Variants in SCN11A observed in about 807,000 individuals in gnomAD.
SCN11A encodes sodium voltage-gated channel alpha subunit 11, also known as sodium channel protein type 11 subunit alpha.
SCN11A carries 122 observed loss-of-function variants against 162.2 expected under a neutral mutation model. The ratio of observed to expected loss-of-function variants is 0.75; its 90% CI spans 0.65 to 0.87. The LOEUF is 0.87. Among genes scored for constraint, SCN11A ranks in the 40% least tolerant of loss-of-function variants. The probability of loss-of-function intolerance (pLI) is 0.00; values close to 1 mark genes in which losing one functional copy is unlikely to be tolerated. For missense variants in SCN11A, 2,015 were observed against 2,181.6 expected, an observed-to-expected ratio of 0.92 and a Z score of 1.52; for synonymous variants, 758 against 751.5, an observed-to-expected ratio of 1.01 and a Z score of -0.14.
At chr3:38,878,576 C>T (rs1025235089) in intron 23 of SCN11A, among the ~76,000 whole-genome samples, 1 of 152,000 alleles carries the variant, frequency 6.6e-6, no homozygotes, top group African/African-American at 2.4e-5. Flanking sequence ...GAGTTATTTG[C>T]TCTCTAGAAA....
chr3:38,898,974 T>C (rs1455138631), intron 17 of SCN11A, among the ~76,000 whole-genome samples: 1 of 152,090 alleles, frequency 6.6e-6, no homozygotes, highest in Non-Finnish European at 1.5e-5. Context: ...TAATAAAACA[T>C]TAGTAGGAAA....
rs73826389 is a variant in SCN11A at position 38,884,767 on chromosome 3, A to T, written c.3064+521T>A. 1.0e-3 allele frequency among the ~76,000 whole-genome samples: 155 copies of T among 152,370 alleles called. 1 individual carries two copies. Among genetic ancestry groups the T allele is most frequent in the African/African-American group, 3.6e-3 (151 of 41,590 alleles). On this transcript the variant is annotated intron_variant, in intron 21 of 29. Coordinates refer to ENST00000302328, the MANE Select transcript of SCN11A (RefSeq NM_001349253.2). Reference sequence around the variant, plus strand: ...TCTTCTAAGTGATTTATATTCACTCATTTAATAGTCACAACAACTCTTTGC... The same window carrying T: ...TCTTCTAAGTGATTTATATTCACTCTTTTAATAGTCACAACAACTCTTTGC...
intron 28 of SCN11A, among the ~76,000 whole-genome samples, chr3:38,856,721 T>A (rs560753889): frequency 8.0e-5 from 12 of 149,652 alleles, no homozygotes; most frequent in East Asian, 3.9e-4. Context: ...TGGGAAAAAA[T>A]AAATAAATAA....
intron 25 of SCN11A, 31 bp from the exon 26 acceptor site, chr3:38,870,775 A>G: frequency 6.3e-7 from 1 of 1,593,614 alleles, no homozygotes; most frequent in Non-Finnish European, 8.6e-7. Context: ...CATGAATAAT[A>G]CAAATGTAGA....
chr3:38,941,119 C>T (rs1291441487), intron 7 of SCN11A, among the ~76,000 whole-genome samples: 8 of 152,144 alleles, frequency 5.3e-5, no homozygotes, highest in African/African-American at 1.9e-4. Flanking sequence ...TGGCAAATGG[C>T]TGCAGTCCTG....
intron 2 of SCN11A, among the ~76,000 whole-genome samples, chr3:38,984,884 A>G (rs928533846): frequency 1.3e-5 from 2 of 152,100 alleles, no homozygotes; most frequent in Non-Finnish European, 2.9e-5. Flanking sequence ...AATAAGAGCA[A>G]ATGCAAAGAC....
intron 1 of SCN11A, among the ~76,000 whole-genome samples, chr3:39,036,413 G>A (rs536528645): frequency 1.3e-5 from 2 of 152,330 alleles, no homozygotes; most frequent in Non-Finnish European, 2.9e-5. Context: ...CTAAAGTGCT[G>A]AGATTACAGG....
intron 7 of SCN11A, among the ~76,000 whole-genome samples, chr3:38,936,645 C>T (rs2066337193): frequency 6.6e-6 from 1 of 151,398 alleles, no homozygotes; most frequent in Non-Finnish European, 1.5e-5. Context: ...AATAAAATAC[C>T]TAGGAATCCA....
intron 1 of SCN11A, among the ~76,000 whole-genome samples, chr3:39,045,553 T>C (rs895231693): frequency 6.6e-6 from 1 of 152,190 alleles, no homozygotes; most frequent in Non-Finnish European, 1.5e-5. Context: ...CAAACGATCA[T>C]CTTAATCAAT....
intron 1 of SCN11A, among the ~76,000 whole-genome samples, chr3:39,041,079 C>G (rs1274384031): frequency 2.6e-5 from 4 of 151,902 alleles, no homozygotes; most frequent in African/African-American, 9.7e-5. Context: ...AAGACTCTGT[C>G]TCAAAAAAGA....
At chr3:38,895,935 T>G (rs1245453711) in intron 18 of SCN11A, among the ~76,000 whole-genome samples, 4 of 152,178 alleles carry the variant, frequency 2.6e-5, no homozygotes. Flanking sequence ...TGTAGAGAGT[T>G]AATTATATTG....
intron 7 of SCN11A, among the ~76,000 whole-genome samples, chr3:38,929,020 A>C (rs1183173048): frequency 6.6e-6 from 1 of 152,180 alleles, no homozygotes; most frequent in African/African-American, 2.4e-5. Flanking sequence ...AATAACAAAG[A>C]GGTGGAAGCA....
chr3:38,888,164 ACG>A (rs2126110929), intron 19 of SCN11A, among the ~76,000 whole-genome samples: 1 of 152,342 alleles, frequency 6.6e-6, no homozygotes, highest in Admixed American at 6.5e-5. Flanking sequence ...GTCGCAGCAA[ACG>A]CTTATGATTA....
Position 38,926,817 on chromosome 3 carries a change from A to G in SCN11A, c.603T>C (p.Ile201=). The part of the protein sequence containing the change: ...LRDPWNWLDS[I]VIGIAIVSYI... Reference sequence around the variant, plus strand: ...AATATTCTTACGCTATTCCAATGACAATGGAGTCCAGCCAGTTCCATGGAT... The same window carrying G: ...AATATTCTTACGCTATTCCAATGACGATGGAGTCCAGCCAGTTCCATGGAT... Residue 201 remains isoleucine, a synonymous_variant, in exon 8 of 30, where the codon ATT becomes ATC. Transcript: ENST00000302328. The G allele has an allele frequency of 1.2e-6, 2 of 1,613,862 alleles. No individual in the cohort carries two copies. Among genetic ancestry groups the G allele is most frequent in the Non-Finnish European group, 1.7e-6 (2 of 1,179,806 alleles).
chr3:38,945,549 T>C (rs779552604), intron 6 of SCN11A, 37 bp from the exon 7 acceptor site: 1 of 1,410,738 alleles, frequency 7.1e-7, no homozygotes, highest in South Asian at 1.5e-5. Flanking sequence ...TGTTGCAGGA[T>C]GGCATGCATC....
chr3:38,933,625 T>C (rs1286058245), intron 7 of SCN11A, among the ~76,000 whole-genome samples: 1 of 151,940 alleles, frequency 6.6e-6, no homozygotes, highest in Non-Finnish European at 1.5e-5. Context: ...AGGGTATCAG[T>C]GATGGAAGAT....
At position 38,891,138 on chromosome 3, in the gene SCN11A, A is replaced by G. The variant is rs141471589; in HGVS notation, c.2835+3395T>C. ...CCATTATAAATATATTTAAAGAATTAAAAGGTACAATGCTTAAGGAAATAA... is the reference window on the plus strand; with the variant it reads ...CCATTATAAATATATTTAAAGAATTGAAAGGTACAATGCTTAAGGAAATAA... On this transcript the variant is annotated intron_variant, in intron 19 of 29. Transcript: ENST00000302328. Among the ~76,000 whole-genome samples, 35 of 152,268 alleles carry G rather than the reference A, an allele frequency of 2.3e-4. No homozygotes were observed. The East Asian group carries it at 6.4e-3, about 28-fold the overall frequency.
intron 27 of SCN11A, among the ~76,000 whole-genome samples, chr3:38,864,380 T>C (rs1045239470): frequency 1.4e-4 from 22 of 152,134 alleles, no homozygotes; most frequent in African/African-American, 5.3e-4. Context: ...TTAGTAATCA[T>C]ATATGTCATA....
chr3:39,037,531 C>T (rs1010307120), intron 1 of SCN11A, among the ~76,000 whole-genome samples: 13 of 152,034 alleles, frequency 8.6e-5, no homozygotes, highest in African/African-American at 1.7e-4. Flanking sequence ...GTAATAGATA[C>T]GCCATATACC....
Sources: gnomAD v4.1 joint callset for allele counts (sites outside exome capture counted in the v4.1 genomes callset) on GRCh38, gnomAD v4.1.1 for gene constraint, MANE v1.5 for transcripts, NCBI Gene and HGNC (gene_info 2026-07-23, HGNC 2026-07-21) for gene names.